LONRF2: variants seen among roughly 807,000 people sequenced by gnomAD.
The protein encoded by LONRF2 is LON peptidase N-terminal domain and ring finger 2, also known as LON peptidase N-terminal domain and RING finger protein 2.
LONRF2 carries 35 observed loss-of-function variants against 66.6 expected under a neutral mutation model. That is an observed-to-expected ratio of 0.53 (90% CI 0.40 to 0.70). The LOEUF (loss-of-function observed/expected upper bound fraction) is 0.70, where lower values mean the gene tolerates loss of function less well. Ranked by LOEUF, LONRF2 falls within the 30% of genes least tolerant of loss-of-function variation. The pLI, the probability that LONRF2 is intolerant of heterozygous loss-of-function variation, is 0.00. For synonymous variants in LONRF2, 417 were observed against 418.1 expected (o/e 1.00, Z 0.03); for missense variants, 902 against 1,002.1 (o/e 0.90, Z 1.35).
In LONRF2 at chr2:100,273,604, C is replaced by T. The variant is rs1454956034; in HGVS notation, c.*10694G>A. On this transcript the variant is annotated 3_prime_UTR_variant, in exon 12 of 12. Transcript: ENST00000393437. ...CAAGAAATGCTGAGTAGTATTATTA[C>T]ATATTCAAACCAGACTTAAACTTCA... 3 of 152,154 alleles carry T rather than the reference C, an allele frequency of 2.0e-5. No individual in the cohort carries two copies. The highest frequency in any genetic ancestry group is 4.4e-5 in the Non-Finnish European group (3 of 68,040). The allele number at this position is 152,154 out of a possible 1,614,324, so 9.4% of individuals were successfully genotyped here.
At chr2:100,297,211 C>A (rs1223179393) in intron 7 of LONRF2, among the ~76,000 whole-genome samples, 2 of 152,076 alleles carry the variant, frequency 1.3e-5, no homozygotes, top group African/African-American at 4.8e-5. Context: ...TCACTGCAAG[C>A]TCCGCCTCCC....
At position 100,300,631 on chromosome 2, in the gene LONRF2, A is replaced by G. The variant is rs370940919; in HGVS notation, c.1065+13T>C. On this transcript the variant is annotated intron_variant, in intron 4 of 11. Transcript: ENST00000393437. ...TAATCAAGAGAATCCTGACAAATGCATGCACGTCATACCTCCGAGCTCCCT... is the reference window on the plus strand; with the variant it reads ...TAATCAAGAGAATCCTGACAAATGCGTGCACGTCATACCTCCGAGCTCCCT... 1.9e-6 allele frequency: 3 copies of G among 1,592,944 alleles called. No homozygotes were observed. Among genetic ancestry groups the G allele is most frequent in the Non-Finnish European group, 8.5e-7 (1 of 1,174,320 alleles).
chr2:100,287,209 A>T, intron 10 of LONRF2, 146 bp from the exon 11 acceptor site: 2 of 728,500 alleles, frequency 2.7e-6, no homozygotes, highest in Non-Finnish European at 2.1e-6. Flanking sequence ...TACATGCTCA[A>T]TATAGAAATC....
At chr2:100,288,516 T>A (rs955133998) in intron 10 of LONRF2, among the ~76,000 whole-genome samples, 9 of 152,218 alleles carry the variant, frequency 5.9e-5, no homozygotes, top group Non-Finnish European at 1.0e-4. Flanking sequence ...AAAAAGTGCA[T>A]AGATCTTGTT....
intron 2 of LONRF2, among the ~76,000 whole-genome samples, chr2:100,307,171 C>T (rs994358841): frequency 2.0e-5 from 3 of 152,102 alleles, no homozygotes; most frequent in South Asian, 2.1e-4. Context: ...CCGCCCGTCT[C>T]GGCCTCCGAA....
Position 100,321,514 on chromosome 2 carries a change from C to T in LONRF2, c.580G>A (p.Glu194Lys). The T allele has an allele frequency of 1.3e-6, 2 of 1,550,070 alleles. No individual in the cohort carries two copies. Among genetic ancestry groups the T allele is most frequent in the East Asian group, 2.6e-5 (1 of 38,996 alleles). Residue 194 changes from glutamate (E) to lysine (K), a missense_variant, in exon 1 of 12, where the codon GAG becomes AAG. By Grantham distance (56) the Glu-to-Lys change is moderately conservative (BLOSUM62 1). Transcript: ENST00000393437. ...SGLLEKCFPA[E>K]CRLRRLAGQA... ...CCTGCCAGCCTGCGCAGCCGGCACT[C>T]GGCCGGGAAGCACTTCTCCAGCAGG...
rs1277224146 is a variant in LONRF2 at position 100,302,665 on chromosome 2, C to T, written c.921+256G>A. ...TATAATAACCTTGCCTAACATGTGT[C>T]TTTATGTCAACAGAATCGAGGCATG... is the stretch of plus-strand genomic sequence containing the variant. On this transcript the variant is annotated intron_variant, in intron 3 of 11. Transcript: ENST00000393437. 3.3e-5 allele frequency among the ~76,000 whole-genome samples: 5 copies of T among 152,278 alleles called. No individual in the cohort carries two copies. The South Asian group carries it at 6.2e-4, about 19-fold the overall frequency.
intron 7 of LONRF2, 26 bp from the exon 8 acceptor site, chr2:100,295,579 A>G: frequency 6.2e-7 from 1 of 1,605,614 alleles, no homozygotes; most frequent in Non-Finnish European, 8.5e-7. Context: ...GTCAAATGAT[A>G]CTGTATGGTA....
chr2:100,313,354 G>A (rs1465130153), intron 1 of LONRF2, among the ~76,000 whole-genome samples: 1 of 152,142 alleles, frequency 6.6e-6, no homozygotes, highest in East Asian at 1.9e-4. Flanking sequence ...AATTAGTCAG[G>A]TGTGGTGGAA....
intron 1 of LONRF2, among the ~76,000 whole-genome samples, chr2:100,314,928 C>G (rs1318008585): frequency 6.6e-6 from 1 of 152,170 alleles, no homozygotes; most frequent in Non-Finnish European, 1.5e-5. Context: ...AATCCTCCAG[C>G]TTTGTTGTTT....
In LONRF2 at chr2:100,295,527, T is replaced by A; in HGVS notation, c.1503A>T (p.Ile501=). Residue 501 remains isoleucine (I), a synonymous_variant, in exon 8 of 12, where the codon ATA becomes ATT. Transcript: ENST00000393437. The part of the protein sequence containing the change: ...SELLASRNFN[I]TVLAEELIFR... Reference sequence around the variant, plus strand: ...ATATTAATTCTTCGGCCAGAACAGTTATGTTAAAGTTTCTGCTTGCCAATA... The same window carrying A: ...ATATTAATTCTTCGGCCAGAACAGTAATGTTAAAGTTTCTGCTTGCCAATA... The A allele has an allele frequency of 6.2e-7, 1 of 1,613,592 alleles. No individual in the cohort carries two copies. Among genetic ancestry groups the A allele is most frequent in the South Asian group, 1.1e-5 (1 of 90,966 alleles).
At chr2:100,287,271 A>G (rs1218027924) in intron 10 of LONRF2, among the ~76,000 whole-genome samples, 3 of 152,302 alleles carry the variant, frequency 2.0e-5, no homozygotes, top group South Asian at 4.1e-4. Context: ...TTTTTCTCTT[A>G]ATACCATAAT....
chr2:100,306,761 C>T (rs2105730587), intron 2 of LONRF2, among the ~76,000 whole-genome samples: 1 of 152,276 alleles, frequency 6.6e-6, no homozygotes, highest in Non-Finnish European at 1.5e-5. Context: ...AGCTTGATCA[C>T]ACTCAGCCAC....
chr2:100,295,677 A>G, intron 7 of LONRF2, 124 bp from the exon 8 acceptor site: 1 of 919,506 alleles, frequency 1.1e-6, no homozygotes, highest in Non-Finnish European at 1.6e-6. Context: ...AGGAAAAGGG[A>G]TGGAGAGAGA....
intron 1 of LONRF2, among the ~76,000 whole-genome samples, chr2:100,311,131 T>G (rs551410676): frequency 3.9e-5 from 6 of 152,316 alleles, no homozygotes; most frequent in African/African-American, 1.4e-4. Context: ...GGGAAGACAT[T>G]ATAGAATTCT....
chr2:100,286,470 T>A (rs1374415845), intron 11 of LONRF2, among the ~76,000 whole-genome samples: 1 of 152,150 alleles, frequency 6.6e-6, no homozygotes, highest in Non-Finnish European at 1.5e-5. Flanking sequence ...GGCAGCAGGG[T>A]ACTTAGAGGA....
rs1481073920 is a variant in LONRF2 at position 100,294,316 on chromosome 2, A to G, written c.1670T>C (p.Phe557Ser). Residue 557 changes from phenylalanine to serine, a missense_variant, in exon 9 of 12, where the codon TTT becomes TCT. Phe to Ser is a radical substitution (Grantham distance 155). Around this residue, in one of 2 missense-constraint regions of LONRF2, gnomAD observed 317 missense variants for 432.2 expected, o/e 0.73. Transcript: ENST00000393437. ...TATCATAAGCCGATAGCGGGGCTCA[A>G]AAACGTGGAGTGGACATGGGACCGT... ...FPTVPCPLHV[F>S]EPRYRLMIRR... 1 of 1,610,060 alleles carries G rather than the reference A, an allele frequency of 6.2e-7. No homozygotes were observed. The highest frequency in any genetic ancestry group is 1.7e-5 in the Admixed American group (1 of 59,004).
rs556386209 is a variant in LONRF2, at chr2:100,282,719, T to C, written c.*1579A>G. 25 of 152,350 alleles carry C rather than the reference T, an allele frequency of 1.6e-4. No homozygotes were observed. Among genetic ancestry groups the C allele is most frequent in the Admixed American group, 1.4e-3 (22 of 15,298 alleles). 9.4% of individuals were successfully genotyped at this position (152,350 alleles called of 1,614,324 possible). ...CACAATAAGTGAGGCACTTGAAACATTGGATTGGAAAATACTTTCACATTT... is the reference window on the plus strand; with the variant it reads ...CACAATAAGTGAGGCACTTGAAACACTGGATTGGAAAATACTTTCACATTT... On this transcript the variant is annotated 3_prime_UTR_variant, in exon 12 of 12. Coordinates refer to ENST00000393437, the MANE Select transcript of LONRF2 (RefSeq NM_198461.4).
At chr2:100,302,356 C>T (rs1472984160) in intron 3 of LONRF2, among the ~76,000 whole-genome samples, 1 of 152,126 alleles carries the variant, frequency 6.6e-6, no homozygotes, top group Non-Finnish European at 1.5e-5. Context: ...AGGGTAAATA[C>T]GTGGTAGAAG....
Sources: gnomAD v4.1 joint callset for allele counts (sites outside exome capture counted in the v4.1 genomes callset) on GRCh38, gnomAD v4.1.1 for gene constraint, gnomAD v4.1.1 regional missense constraint, MANE v1.5 for transcripts, NCBI Gene and HGNC (gene_info 2026-07-23, HGNC 2026-07-21) for gene names.